Variants in DCAF1 observed in about 807,000 individuals in gnomAD.
DCAF1 encodes DDB1 and CUL4 associated factor 1.
In DCAF1, 15 loss-of-function variants were observed where a neutral mutation model predicts 128.0. The ratio of observed to expected loss-of-function variants is 0.12; its 90% CI spans 0.08 to 0.18. The LOEUF (loss-of-function observed/expected upper bound fraction) is 0.18, where lower values mean the gene tolerates loss of function less well. Among genes scored for constraint, DCAF1 ranks in the 10% least tolerant of loss-of-function variants. DCAF1 has a pLI of 1.00. For missense variants in DCAF1, 988 were observed against 1,649.5 expected, an observed-to-expected ratio of 0.60 and a Z score of 6.95; for synonymous variants, 610 against 603.0, an observed-to-expected ratio of 1.01 and a Z score of -0.17.
intron 1 of DCAF1, among the ~76,000 whole-genome samples, chr3:51,497,098 C>G (rs1444974336): frequency 1.3e-5 from 2 of 152,102 alleles, no homozygotes; most frequent in African/African-American, 4.8e-5. Context: ...AGTTCAAGAC[C>G]AGCCTGGCCA....
intron 6 of DCAF1, among the ~76,000 whole-genome samples, chr3:51,455,109 A>C (rs782005105): frequency 6.6e-6 from 1 of 152,228 alleles, no homozygotes; most frequent in African/African-American, 2.4e-5. Flanking sequence ...AAACACCTAC[A>C]TGAATGTAAA....
chr3:51,404,400 T>G (rs1408638273), intron 23 of DCAF1, among the ~76,000 whole-genome samples: 4 of 152,210 alleles, frequency 2.6e-5, no homozygotes, highest in Non-Finnish European at 5.9e-5. Flanking sequence ...AAAAAAATTT[T>G]TTTTGTTCTT....
At chr3:51,499,191 C>A (rs1439143995) in intron 1 of DCAF1, among the ~76,000 whole-genome samples, 1 of 152,224 alleles carries the variant, frequency 6.6e-6, no homozygotes, top group Non-Finnish European at 1.5e-5. Context: ...CTTCTGACAC[C>A]CCAGTTGAAA....
At chr3:51,408,525 A>G (rs1480967683) in intron 23 of DCAF1, among the ~76,000 whole-genome samples, 1 of 152,212 alleles carries the variant, frequency 6.6e-6, no homozygotes, top group Non-Finnish European at 1.5e-5. Context: ...AAGCGTACAA[A>G]GCAAAGTAAA....
chr3:51,463,807 C>T (rs1703857452), intron 5 of DCAF1, among the ~76,000 whole-genome samples: 1 of 151,780 alleles, frequency 6.6e-6, no homozygotes, highest in South Asian at 2.1e-4. Flanking sequence ...AACAACAGAA[C>T]AAAAACAAAA....
At chr3:51,459,014 C>G (rs1447728848) in intron 6 of DCAF1, among the ~76,000 whole-genome samples, 3 of 152,098 alleles carry the variant, frequency 2.0e-5, no homozygotes, top group Admixed American at 6.5e-5. Context: ...GCTAGAAAAG[C>G]AAGAGCAAAC....
chr3:51,473,869 T>C (rs1327438297), intron 3 of DCAF1, among the ~76,000 whole-genome samples: 4 of 151,948 alleles, frequency 2.6e-5, no homozygotes, highest in Admixed American at 6.6e-5. Flanking sequence ...AATGGCACGA[T>C]GTCGGCTCAC....
At chr3:51,477,149 G>A (rs1553650875) in intron 3 of DCAF1, among the ~76,000 whole-genome samples, 2 of 151,902 alleles carry the variant, frequency 1.3e-5, no homozygotes, top group African/African-American at 4.8e-5. Flanking sequence ...ACAGAATCAA[G>A]TCAAAGGCTA....
intron 3 of DCAF1, among the ~76,000 whole-genome samples, chr3:51,474,640 G>T: frequency 6.6e-6 from 1 of 150,866 alleles, no homozygotes; most frequent in Non-Finnish European, 1.5e-5. Flanking sequence ...TAAGAGACAG[G>T]GTCTCACTGT....
intron 23 of DCAF1, among the ~76,000 whole-genome samples, chr3:51,408,007 A>AAAAAAAC (rs1329585381): frequency 6.7e-6 from 1 of 150,138 alleles, no homozygotes; most frequent in Non-Finnish European, 1.5e-5. Flanking sequence ...AAAAAAAAAA[A>AAAAAAAC]AACAACCAGA....
At chr3:51,479,404 G>T (rs1705880320) in intron 3 of DCAF1, among the ~76,000 whole-genome samples, 1 of 152,146 alleles carries the variant, frequency 6.6e-6, no homozygotes, top group African/African-American at 2.4e-5. Flanking sequence ...TCCAGAAGCT[G>T]AGGTGGGAGA....
At chr3:51,428,331 C>CT (rs35486639) in intron 12 of DCAF1, among the ~76,000 whole-genome samples, 89,594 of 110,526 alleles carry the variant, frequency 0.81, 36,818 homozygotes, top group East Asian at 0.97. Context: ...CCACCATGCC[C>CT]TTTTTTTTTT....
chr3:51,486,152 A>C (rs1249654176), intron 2 of DCAF1, among the ~76,000 whole-genome samples: 4 of 150,820 alleles, frequency 2.7e-5, no homozygotes, highest in Admixed American at 2.0e-4. Flanking sequence ...GGCCTCCCAA[A>C]GTGCTGGGAT....
At position 51,441,503 on chromosome 3, in the gene DCAF1, C is replaced by G. The variant is rs1553638685; in HGVS notation, c.908G>C (p.Ser303Thr). 1.2e-6 allele frequency: 2 copies of G among 1,613,894 alleles called. No homozygotes were observed. Among genetic ancestry groups the G allele is most frequent in the African/African-American group, 2.7e-5 (2 of 74,926 alleles). Reference protein sequence around the residue: ...DRMFVELSNSSWSEMSPWVIG... With the variant: ...DRMFVELSNSTWSEMSPWVIG... ...CACCCAGGGAGACATTTCTGACCAACTGCTATTAGACAGCTCAACAAACAT... is the reference window on the plus strand; with the variant it reads ...CACCCAGGGAGACATTTCTGACCAAGTGCTATTAGACAGCTCAACAAACAT... Residue 303 changes from serine to threonine, a missense_variant, in exon 8 of 25, where the codon AGT (serine) becomes ACT (threonine). By Grantham distance (58) the Ser-to-Thr change is moderately conservative (BLOSUM62 1). Coordinates refer to ENST00000684031, the MANE Select transcript of DCAF1 (RefSeq NM_001387579.1).
chr3:51,431,223 T>A (rs1277523435), intron 10 of DCAF1, among the ~76,000 whole-genome samples: 2 of 151,968 alleles, frequency 1.3e-5, no homozygotes, highest in Non-Finnish European at 2.9e-5. Flanking sequence ...TTACACTTTT[T>A]AAAAAATCAC....
At chr3:51,499,128 T>C (rs1457292110) in intron 1 of DCAF1, among the ~76,000 whole-genome samples, 2 of 152,056 alleles carry the variant, frequency 1.3e-5, no homozygotes, top group Non-Finnish European at 1.5e-5. Context: ...GCCACCGCAG[T>C]AAGAGGAAAC....
chr3:51,420,257 T>C lies in DCAF1; in HGVS notation c.2713A>G (p.Ile905Val), dbSNP rs782199661. Reference protein sequence around the residue: ...SPVSLPRTPRIANGIATRLGS... With the variant: ...SPVSLPRTPRVANGIATRLGS... ...AGACGAGTTGCAATGCCATTAGCGA[T>C]ACGAGGGGTTCGGGGTAGAGAGACA... The change falls in exon 15 of 25, where the codon ATC (isoleucine) becomes GTC (valine). Residue 905 changes from isoleucine to valine, a missense_variant. By Grantham distance (29) the Ile-to-Val change is conservative. Transcript: ENST00000684031. The surrounding 1 kb of genome is among the most constrained non-coding windows in gnomAD (Gnocchi z 6.5). The C allele has an allele frequency of 1.2e-5, 20 of 1,613,842 alleles. No individual in the cohort carries two copies. The highest frequency in any genetic ancestry group is 1.7e-5 in the Non-Finnish European group (20 of 1,179,890).
chr3:51,461,356 A>G (rs1379251189), intron 6 of DCAF1, among the ~76,000 whole-genome samples: 1 of 152,340 alleles, frequency 6.6e-6, no homozygotes, highest in East Asian at 1.9e-4. Flanking sequence ...TCAAAACCAC[A>G]ATGAGATACC....
intron 19 of DCAF1, 85 bp from the exon 20 acceptor site, chr3:51,414,128 TC>T: frequency 6.9e-7 from 1 of 1,448,556 alleles, no homozygotes; most frequent in Non-Finnish European, 9.1e-7. Flanking sequence ...TCACTTTTTT[TC>T]CTCCTGCCAG....
Sources: allele counts gnomAD v4.1 joint callset (sites outside exome capture counted in the v4.1 genomes callset), GRCh38; gene constraint gnomAD v4.1.1; non-coding constraint Gnocchi (gnomAD v3.1); transcripts MANE v1.5; gene names NCBI Gene and HGNC (gene_info 2026-07-23, HGNC 2026-07-21).